Variants in ARMH1 observed in about 807,000 individuals in gnomAD.
ARMH1 encodes the protein armadillo-like helical domain containing protein 1.
Under a neutral mutation model 50.2 loss-of-function variants are expected in ARMH1, and 34 were observed. That is an observed-to-expected ratio of 0.68 (90% CI 0.51 to 0.90). The LOEUF is 0.90. Ranked by LOEUF, ARMH1 falls within the 40% of genes least tolerant of loss-of-function variation. The pLI, the probability that ARMH1 is intolerant of heterozygous loss-of-function variation, is 0.00. For synonymous variants in ARMH1, 221 were observed against 224.2 expected (o/e 0.99, Z 0.13); for missense variants, 538 against 553.9 (o/e 0.97, Z 0.29).
At chr1:44,712,229 C>T (rs779248816) in intron 6 of ARMH1, among the ~76,000 whole-genome samples, 2 of 152,134 alleles carry the variant, frequency 1.3e-5, no homozygotes, top group African/African-American at 4.8e-5. Flanking sequence ...GAATCCAAGG[C>T]GGGCGGATCA....
Position 44,722,468 on chromosome 1 carries a change from G to A in ARMH1, c.725-1654G>A, listed in dbSNP as rs562380049. On this transcript the variant is annotated intron_variant, in intron 6 of 11. Transcript: ENST00000535358. ...TGTAATCCCAGCACTTTGGGAGGCC[G>A]AGGCAGGAGTTCTCGGTCACTTTGG... Among the ~76,000 whole-genome samples the A allele has an allele frequency of 3.9e-5, 6 of 152,058 alleles. No homozygotes were observed. In the South Asian group the frequency reaches 6.2e-4, roughly 16 times the overall value.
At chr1:44,703,994 G>A (rs1327223631) in intron 5 of ARMH1, 95 bp from the exon 6 acceptor site, 16 of 943,120 alleles carry the variant, frequency 1.7e-5, no homozygotes, top group Admixed American at 1.4e-4. Flanking sequence ...CTAAAGTGCT[G>A]GGATTACAGG....
At chr1:44,716,701 T>C (rs1453407408) in intron 6 of ARMH1, among the ~76,000 whole-genome samples, 2 of 152,198 alleles carry the variant, frequency 1.3e-5, no homozygotes, top group Non-Finnish European at 2.9e-5. Context: ...CAGGTCTTCA[T>C]ACTGCTCACC....
intron 2 of ARMH1, among the ~76,000 whole-genome samples, chr1:44,695,477 T>C (rs987108631): frequency 6.6e-6 from 1 of 152,172 alleles, no homozygotes; most frequent in African/African-American, 2.4e-5. Context: ...ACCAGAAATA[T>C]GTATAGTGAG....
chr1:44,710,598 G>A (rs1465984768), intron 6 of ARMH1, among the ~76,000 whole-genome samples: 1 of 101,168 alleles, frequency 9.9e-6, no homozygotes, highest in Non-Finnish European at 1.8e-5. Context: ...AACAGAGCAA[G>A]ACTCCGTCTC....
chr1:44,704,980 G>A (rs910977186), intron 6 of ARMH1, among the ~76,000 whole-genome samples: 5 of 151,782 alleles, frequency 3.3e-5, no homozygotes, highest in African/African-American at 4.8e-5. Context: ...GACTACAGGC[G>A]CCTGTCACCA....
intron 1 of ARMH1, among the ~76,000 whole-genome samples, chr1:44,679,388 C>G (rs568718295): frequency 4.6e-5 from 7 of 152,216 alleles, no homozygotes; most frequent in Admixed American, 2.6e-4. Context: ...TTTCCAAAAG[C>G]CATTTTCCAT....
chr1:44,720,065 C>T (rs140988637), intron 6 of ARMH1, among the ~76,000 whole-genome samples: 15 of 152,148 alleles, frequency 9.9e-5, no homozygotes, highest in South Asian at 2.1e-4. Flanking sequence ...GGTGTGGTGG[C>T]GGGCGCCTAT....
At chr1:44,687,194 G>A (rs939142512) in intron 1 of ARMH1, among the ~76,000 whole-genome samples, 1 of 152,102 alleles carries the variant, frequency 6.6e-6, no homozygotes, top group Non-Finnish European at 1.5e-5. Flanking sequence ...TCTCTCCTTG[G>A]CTTGCAGATG....
intron 1 of ARMH1, among the ~76,000 whole-genome samples, chr1:44,680,356 T>C (rs1372331328): frequency 1.3e-5 from 2 of 152,218 alleles, no homozygotes; most frequent in Non-Finnish European, 1.5e-5. Flanking sequence ...TTTGTATTTT[T>C]AGTAGAGACG....
At chr1:44,721,349 T>TA (rs1647110921) in intron 6 of ARMH1, among the ~76,000 whole-genome samples, 1 of 152,066 alleles carries the variant, frequency 6.6e-6, no homozygotes, top group Non-Finnish European at 1.5e-5. Context: ...TCCTAACTCT[T>TA]AAGTTTTTCC....
intron 5 of ARMH1, among the ~76,000 whole-genome samples, chr1:44,702,710 C>CAAAAAAAAA (rs11449439): frequency 3.3e-5 from 3 of 89,972 alleles, no homozygotes; most frequent in Admixed American, 1.3e-4. Context: ...GACTCCATCT[C>CAAAAAAAAA]AAAAAAAAAA....
rs777102606 is a variant in ARMH1 at position 44,697,188 on chromosome 1, G to A, written c.275+18G>A. ...GTAAGCAGGTGAGTTCTGTTCTAGC[G>A]TGATTCTGGGGGTCTCAGTGGCATC... On this transcript the variant is annotated intron_variant, in intron 3 of 11. Transcript: ENST00000535358. 50 of 1,543,542 alleles carry A rather than the reference G, an allele frequency of 3.2e-5. No homozygotes were observed. Among genetic ancestry groups the A allele is most frequent in the South Asian group, 2.9e-4 (24 of 83,874 alleles).
At chr1:44,687,461 A>C (rs563776097) in intron 1 of ARMH1, among the ~76,000 whole-genome samples, 1 of 152,228 alleles carries the variant, frequency 6.6e-6, no homozygotes, top group Non-Finnish European at 1.5e-5. Context: ...GTTATTTGGA[A>C]ATACAGGGGT....
At chr1:44,710,066 T>G (rs933797652) in intron 6 of ARMH1, among the ~76,000 whole-genome samples, 1 of 152,100 alleles carries the variant, frequency 6.6e-6, no homozygotes, top group Non-Finnish European at 1.5e-5. Flanking sequence ...GTGGGGCTTG[T>G]AGCTGAGCGA....
intron 6 of ARMH1, among the ~76,000 whole-genome samples, chr1:44,706,090 G>T (rs576900587): frequency 6.6e-6 from 1 of 152,348 alleles, no homozygotes; most frequent in Middle Eastern, 3.4e-3. Context: ...CCAGTATGCA[G>T]CATGGAGCCG....
At chr1:44,719,027 A>C (rs1027274647) in intron 6 of ARMH1, among the ~76,000 whole-genome samples, 3 of 145,774 alleles carry the variant, frequency 2.1e-5, no homozygotes, top group Admixed American at 6.8e-5. Flanking sequence ...CTGTCTCGGA[A>C]AAAAAAAAAA....
At chr1:44,722,713 A>T (rs1647499461) in intron 6 of ARMH1, among the ~76,000 whole-genome samples, 1 of 150,196 alleles carries the variant, frequency 6.7e-6, no homozygotes, top group Non-Finnish European at 1.5e-5. Context: ...AGCCTGAGTG[A>T]TGACAGTGAA....
chr1:44,710,879 C>T (rs1169144596), intron 6 of ARMH1, among the ~76,000 whole-genome samples: 5 of 152,170 alleles, frequency 3.3e-5, no homozygotes, highest in African/African-American at 1.2e-4. Context: ...CCCTGGGAAG[C>T]CCCAATCTTC....
Sources: allele counts gnomAD v4.1 joint callset (sites outside exome capture counted in the v4.1 genomes callset), GRCh38; gene constraint gnomAD v4.1.1; transcripts MANE v1.5; gene names NCBI Gene and HGNC (gene_info 2026-07-23, HGNC 2026-07-21).